The following RBFOX3 variants were observed in gnomAD, a reference collection of about 807,000 sequenced individuals.
RBFOX3 encodes RNA binding protein fox-1 homolog 3.
RBFOX3 carries 17 observed loss-of-function variants against 48.7 expected under a neutral mutation model. The ratio of observed to expected loss-of-function variants is 0.35; its 90% confidence interval spans 0.24 to 0.52. The LOEUF (loss-of-function observed/expected upper bound fraction) is 0.52. Among genes scored for constraint, RBFOX3 ranks in the 20% least tolerant of loss-of-function variants. The pLI, the probability that RBFOX3 is intolerant of heterozygous loss-of-function variation, is 0.94. For missense variants in RBFOX3, 382 were observed against 497.5 expected (o/e 0.77, Z 2.21); for synonymous variants, 212 against 209.5 (o/e 1.01, Z -0.10).
chr17:79,106,117 A>G (rs1395655885), intron 6 of RBFOX3, among the ~76,000 whole-genome samples: 1 of 152,072 alleles, frequency 6.6e-6, no homozygotes, highest in Non-Finnish European at 1.5e-5. Context: ...TCCGGTTCCA[A>G]GTTCCCCACC....
intron 2 of RBFOX3, among the ~76,000 whole-genome samples, chr17:79,308,109 G>A (rs1278389464): frequency 6.6e-6 from 1 of 152,220 alleles, no homozygotes; most frequent in East Asian, 1.9e-4. Context: ...TGGGGTCAGA[G>A]GGGAGAGTGC....
chr17:79,431,769 G>A (rs1555728558), intron 2 of RBFOX3, among the ~76,000 whole-genome samples: 1 of 152,234 alleles, frequency 6.6e-6, no homozygotes, highest in African/African-American at 2.4e-5. Flanking sequence ...ATAGGCGTGA[G>A]CCACAGCGCC....
rs544634579 is a variant in RBFOX3, at chr17:79,315,532, G to A, written c.-174-7708C>T. ...GGAAGAGCGGTGTCTCCCAGGCCGCGCCTTCACACTTGCTGGCCACTGCGG... is the reference window on the plus strand; with the variant it reads ...GGAAGAGCGGTGTCTCCCAGGCCGCACCTTCACACTTGCTGGCCACTGCGG... On this transcript the variant is annotated intron_variant, in intron 2 of 14. Coordinates refer to ENST00000693108, the MANE Select transcript of RBFOX3 (RefSeq NM_001350451.2). Among the ~76,000 whole-genome samples, 4 of 152,316 alleles carry A rather than the reference G, an allele frequency of 2.6e-5. No homozygotes were observed. The East Asian group carries it at 5.8e-4, about 22-fold the overall frequency.
chr17:79,175,302 G>C (rs1038783962), intron 4 of RBFOX3, among the ~76,000 whole-genome samples: 5 of 152,246 alleles, frequency 3.3e-5, no homozygotes, highest in African/African-American at 1.2e-4. Flanking sequence ...AGGCTCCAGG[G>C]ACAGGGAGCT....
At chr17:79,356,918 G>A (rs895101554) in intron 2 of RBFOX3, among the ~76,000 whole-genome samples, 2 of 152,074 alleles carry the variant, frequency 1.3e-5, no homozygotes, top group African/African-American at 2.4e-5. Context: ...AGCTCCTGTC[G>A]GGCTGAGCCT....
chr17:79,440,303 G>C (rs2070606967), intron 2 of RBFOX3, among the ~76,000 whole-genome samples: 1 of 152,320 alleles, frequency 6.6e-6, no homozygotes, highest in Admixed American at 6.5e-5. Context: ...CATGTCCCAG[G>C]GCATTTTTGA....
At chr17:79,583,515 G>C (rs1344715438) in intron 1 of RBFOX3, among the ~76,000 whole-genome samples, 1 of 152,188 alleles carries the variant, frequency 6.6e-6, no homozygotes, top group Non-Finnish European at 1.5e-5. Flanking sequence ...AGTGGGGACA[G>C]TTAAGGAAGT....
At chr17:79,160,082 T>C (rs2046653824) in intron 4 of RBFOX3, among the ~76,000 whole-genome samples, 1 of 152,196 alleles carries the variant, frequency 6.6e-6, no homozygotes, top group Non-Finnish European at 1.5e-5. Context: ...AACGCTCCGC[T>C]CGAGTAGTAA....
intron 2 of RBFOX3, among the ~76,000 whole-genome samples, chr17:79,360,746 C>T (rs1020751665): frequency 2.6e-5 from 4 of 152,048 alleles, no homozygotes; most frequent in African/African-American, 7.3e-5. Flanking sequence ...TATATCACAG[C>T]CCCACTCACA....
At chr17:79,291,784 C>A (rs1428181398) in intron 3 of RBFOX3, among the ~76,000 whole-genome samples, 1 of 152,202 alleles carries the variant, frequency 6.6e-6, no homozygotes, top group South Asian at 2.1e-4. Context: ...ACTCTTGGAG[C>A]CTTTCTAGAT....
intron 1 of RBFOX3, among the ~76,000 whole-genome samples, chr17:79,501,734 T>C (rs2082412747): frequency 1.3e-5 from 2 of 152,356 alleles, no homozygotes; most frequent in South Asian, 4.1e-4. Flanking sequence ...AAAGCCTCAC[T>C]GTCAATAGGC....
intron 2 of RBFOX3, among the ~76,000 whole-genome samples, chr17:79,464,618 GCAAA>G (rs1439609997): frequency 3.3e-5 from 5 of 152,230 alleles, no homozygotes; most frequent in Non-Finnish European, 1.5e-5. Context: ...TAGCAAGTGA[GCAAA>G]CAAACAAACT....
At chr17:79,318,264 AGAG>A (rs2077820156) in intron 2 of RBFOX3, among the ~76,000 whole-genome samples, 1 of 152,184 alleles carries the variant, frequency 6.6e-6, no homozygotes, top group South Asian at 2.1e-4. Flanking sequence ...CAAGGAGGGA[AGAG>A]GAGAAGGAGG....
chr17:79,379,907 C>T (rs140891459), intron 2 of RBFOX3, among the ~76,000 whole-genome samples: 1 of 152,160 alleles, frequency 6.6e-6, no homozygotes, highest in Non-Finnish European at 1.5e-5. Context: ...TCTGCATGTG[C>T]GTCCTGCAGC....
intron 4 of RBFOX3, among the ~76,000 whole-genome samples, chr17:79,221,510 G>A (rs1202393664): frequency 6.6e-6 from 1 of 152,204 alleles, no homozygotes; most frequent in African/African-American, 2.4e-5. Flanking sequence ...GGCCTGCATT[G>A]GTGGCCTCAA....
At chr17:79,225,932 G>A (rs1018057212) in intron 4 of RBFOX3, among the ~76,000 whole-genome samples, 1 of 152,192 alleles carries the variant, frequency 6.6e-6, no homozygotes, top group Non-Finnish European at 1.5e-5. Context: ...ACAGTGGTGG[G>A]GGAAGCAGGA....
At position 79,423,755 on chromosome 17, in the gene RBFOX3, CA is replaced by C. The variant is rs2148786820; in HGVS notation, c.-175+58698del. On this transcript the variant is annotated intron_variant, in intron 2 of 14. Coordinates refer to ENST00000693108, the MANE Select transcript of RBFOX3 (RefSeq NM_001350451.2). This position sits in a 1 kb window ranked among gnomAD's most constrained non-coding sequence, Gnocchi z 4.9. Reference sequence around the variant, plus strand: ...CAAGCCCAGTGGAGTCGCTGCTGGGCAGGGCTGCCCATCAGCAAATCCCCTT... The same window carrying C: ...CAAGCCCAGTGGAGTCGCTGCTGGGCGGGCTGCCCATCAGCAAATCCCCTT... 1 of 153,776 alleles carries C rather than the reference CA, an allele frequency of 6.5e-6. No homozygotes were observed. The highest frequency in any genetic ancestry group is 2.1e-4 in the South Asian group (1 of 4,804). 9.5% of individuals were successfully genotyped at this position (153,776 alleles called of 1,614,324 possible). A position where few individuals can be genotyped will look rare whatever the true frequency, so the allele number is the denominator to read the frequency against.
chr17:79,431,912 C>G (rs1222802083), intron 2 of RBFOX3, among the ~76,000 whole-genome samples: 1 of 152,230 alleles, frequency 6.6e-6, no homozygotes, highest in Non-Finnish European at 1.5e-5. Flanking sequence ...ATGCTTTTAT[C>G]TTCCCAAACT....
chr17:79,487,201 G>C (rs1367528798), intron 1 of RBFOX3, among the ~76,000 whole-genome samples: 3 of 152,168 alleles, frequency 2.0e-5, no homozygotes, highest in Non-Finnish European at 4.4e-5. Context: ...AAGGTAGCTG[G>C]AGCAGAAGCC....
Sources: allele counts gnomAD v4.1 joint callset (sites outside exome capture counted in the v4.1 genomes callset), GRCh38; gene constraint gnomAD v4.1.1; non-coding constraint Gnocchi (gnomAD v3.1); transcripts MANE v1.5; gene names NCBI Gene and HGNC (gene_info 2026-07-23, HGNC 2026-07-21).